Variants in NSMCE4A observed in about 807,000 individuals in gnomAD.
NSMCE4A encodes NSE4A component of SMC5/6 complex, also known as non-structural maintenance of chromosomes element 4 homolog A.
NSMCE4A carries 40 observed loss-of-function variants against 47.9 expected under a neutral mutation model. The observed-to-expected ratio is 0.83, with a 90% CI of 0.65 to 1.09. NSMCE4A has a LOEUF of 1.09. NSMCE4A is among the 50% of genes least tolerant of loss of function. NSMCE4A has a pLI of 0.00. For missense variants in NSMCE4A, 500 were observed against 507.0 expected (o/e 0.99, Z 0.13); for synonymous variants, 166 against 178.5 (o/e 0.93, Z 0.56).
Position 121,961,518 on chromosome 10 carries a change from C to A in NSMCE4A, c.845-1G>T. 2 of 1,545,250 alleles carry A rather than the reference C, an allele frequency of 1.3e-6. No individual in the cohort carries two copies. The highest frequency in any genetic ancestry group is 2.4e-5 in the East Asian group (1 of 41,222). ...TCAAAGAAGGACATTGGGGTATCAG[C>A]TATAGACAAAAAGAGAAAAAAAAAT... On this transcript the variant is annotated splice_acceptor_variant, in intron 6 of 10. Coordinates refer to ENST00000369023, the MANE Select transcript of NSMCE4A (RefSeq NM_017615.3). LOFTEE classifies it high-confidence loss of function.
At chr10:121,962,705 C>T (rs1011198853) in intron 6 of NSMCE4A, among the ~76,000 whole-genome samples, 14 of 151,782 alleles carry the variant, frequency 9.2e-5, no homozygotes, top group Non-Finnish European at 2.1e-4. Flanking sequence ...CTCTGTCTCC[C>T]GGGTTCAAGC....
In NSMCE4A at chr10:121,975,011, C is replaced by T; in HGVS notation, c.155G>A (p.Arg52His). 1 of 1,505,304 alleles carries T rather than the reference C, an allele frequency of 6.6e-7. No homozygotes were observed. The allele number at this position is 1,505,304 out of a possible 1,614,324, so 93.2% of individuals were successfully genotyped here. A position where few individuals can be genotyped will look rare whatever the true frequency, so the allele number is the denominator to read the frequency against. The change falls in exon 1 of 11, where the codon CGC (arginine) becomes CAC (histidine). Residue 52 changes from arginine to histidine, a missense_variant. By Grantham distance (29) the Arg-to-His change is conservative. Transcript: ENST00000369023. The part of the protein sequence containing the change: ...SARERREAPE[R>H]PSLEDTEPSD... ...CGGCTCTGTGTCCTCCAGGCTCGGG[C>T]GCTCTGGGGCCTCTCTGCGCTCCCG...
At chr10:121,965,436 C>T (rs1952589756) in intron 4 of NSMCE4A, 51 bp from the exon 5 acceptor site, 1 of 1,403,188 alleles carries the variant, frequency 7.1e-7, no homozygotes, top group Non-Finnish European at 1.0e-6. Context: ...GTTTGTTAAA[C>T]AAACTAACTT....
In NSMCE4A at chr10:121,959,549, T is replaced by C. The variant is rs1564989787; in HGVS notation, c.1035A>G (p.Thr345=). The C allele has an allele frequency of 6.2e-7, 1 of 1,614,196 alleles. No individual in the cohort carries two copies. Among genetic ancestry groups the C allele is most frequent in the South Asian group, 1.1e-5 (1 of 91,080 alleles). The change falls in exon 9 of 11, where the codon ACA becomes ACG. Residue 345 remains threonine, a synonymous_variant. Transcript: ENST00000369023. ...NEENEGFEHN[T]QVRNQGIIAL... is the part of the protein sequence containing the mutation. ...CTATAATTCCTTGATTTCTAACTTG[T>C]GTGTTATGTTCAAATCCCTCATTTT...
chr10:121,969,501 T>TAAAA (rs35005382), intron 3 of NSMCE4A, among the ~76,000 whole-genome samples: 1 of 138,208 alleles, frequency 7.2e-6, no homozygotes, highest in Non-Finnish European at 1.5e-5. Context: ...AAAAAAAAGT[T>TAAAA]AAAAAAAAAA....
intron 5 of NSMCE4A, among the ~76,000 whole-genome samples, chr10:121,964,346 T>C (rs11814639): frequency 0.13 from 20,229 of 152,120 alleles, 1,566 homozygotes; most frequent in Middle Eastern, 0.18. Context: ...GGTTTCACCA[T>C]GTTGGCCAGG....
At chr10:121,972,964 C>T (rs370578159) in intron 2 of NSMCE4A, among the ~76,000 whole-genome samples, 9 of 152,234 alleles carry the variant, frequency 5.9e-5, no homozygotes, top group East Asian at 1.9e-4. Context: ...CAGCCGGGGG[C>T]GGTGGCTCAT....
At chr10:121,961,312 ATATACTGGCTAGTG>A in intron 7 of NSMCE4A, 97 bp downstream of exon 7, 1 of 629,152 alleles carries the variant, frequency 1.6e-6, no homozygotes, top group Non-Finnish European at 2.6e-6. Context: ...GGTCTGAAAC[ATATACTGGCTAGTG>A]TATACAGATA....
intron 6 of NSMCE4A, chr10:121,962,099 G>C: frequency 5.6e-6 from 2 of 358,840 alleles, no homozygotes; most frequent in South Asian, 3.8e-5. Context: ...GAAAGAGTGA[G>C]ACTGTCTCCT....
At chr10:121,958,229 CAA>C (rs1296590746) in intron 10 of NSMCE4A, among the ~76,000 whole-genome samples, 1 of 148,768 alleles carries the variant, frequency 6.7e-6, no homozygotes, top group South Asian at 2.1e-4. Context: ...GACTCTGTCT[CAA>C]AAAAAAAGAG....
chr10:121,961,698 T>C, intron 6 of NSMCE4A, 181 bp from the exon 7 acceptor site: 1 of 488,650 alleles, frequency 2.0e-6, no homozygotes, highest in South Asian at 4.0e-5. Context: ...CCCACTGACC[T>C]GGAAACCACC....
At chr10:121,972,732 G>A (rs899114346) in intron 2 of NSMCE4A, among the ~76,000 whole-genome samples, 4 of 152,106 alleles carry the variant, frequency 2.6e-5, no homozygotes, top group African/African-American at 9.7e-5. Flanking sequence ...AACTTAAGAG[G>A]GTAGTAGAGG....
chr10:121,972,444 C>A (rs747430539), intron 2 of NSMCE4A, among the ~76,000 whole-genome samples: 3 of 152,198 alleles, frequency 2.0e-5, no homozygotes, highest in Non-Finnish European at 4.4e-5. Flanking sequence ...GCCTGCCCCA[C>A]TCCCTTCCCC....
intron 2 of NSMCE4A, among the ~76,000 whole-genome samples, chr10:121,973,086 A>G (rs1952746387): frequency 6.6e-6 from 1 of 152,018 alleles, no homozygotes; most frequent in Non-Finnish European, 1.5e-5. Flanking sequence ...AAATACAAAA[A>G]TTAGCTGGGT....
rs747294176 is a variant in NSMCE4A at position 121,965,339 on chromosome 10, C to T, written c.700G>A (p.Asp234Asn). The T allele has an allele frequency of 5.0e-6, 8 of 1,614,006 alleles. No individual in the cohort carries two copies. Among genetic ancestry groups the T allele is most frequent in the Non-Finnish European group, 5.9e-6 (7 of 1,179,926 alleles). ...ATCACAGGAACTTTTCTTGGACGAT[C>T]AACTCGTGGCTTTGGCACAGGGCAC... ...GECPVPKPRV[D>N]RPRKVPVIQE... Residue 234 changes from aspartate (D) to asparagine (N), a missense_variant, in exon 5 of 11, where the codon GAT (aspartate) becomes AAT (asparagine). Transcript: ENST00000369023.
In NSMCE4A at chr10:121,958,755, T is replaced by TAAAAAC. The variant is rs151284184; in HGVS notation, c.*12+563_*12+568dup. Among the ~76,000 whole-genome samples, 1,087 of 152,096 alleles carry TAAAAAC rather than the reference T, an allele frequency of 7.1e-3. 11 individuals are homozygous for TAAAAAC. Among genetic ancestry groups the TAAAAAC allele is most frequent in the African/African-American group, 0.025 (1,035 of 41,492 alleles). ...GTGAGACCCCTTCCCTATTTTTTAT[T>TAAAAAC]AAAAACAAAAACAAAAACAAAACCC... On this transcript the variant is annotated intron_variant, in intron 10 of 10. Transcript: ENST00000369023.
At chr10:121,967,507 T>C in intron 4 of NSMCE4A, 148 bp downstream of exon 4, 2 of 846,922 alleles carry the variant, frequency 2.4e-6, no homozygotes, top group South Asian at 3.6e-5. Context: ...CTAGTGTTTA[T>C]GAACTTTCAT....
intron 4 of NSMCE4A, chr10:121,965,805 A>G (rs1590784403): frequency 6.3e-6 from 1 of 159,708 alleles, no homozygotes; most frequent in Admixed American, 6.4e-5. Flanking sequence ...CCAGCCCAGG[A>G]CTACAGAACA....
Position 121,961,525 on chromosome 10 carries a change from C to CA in NSMCE4A, c.845-9dup. 2 of 1,527,422 alleles carry CA rather than the reference C, an allele frequency of 1.3e-6. No homozygotes were observed. The highest frequency in any genetic ancestry group is 1.7e-6 in the Non-Finnish European group (2 of 1,143,914). The allele number at this position is 1,527,422 out of a possible 1,614,324, so 94.6% of individuals were successfully genotyped here. On this transcript the variant is annotated splice_polypyrimidine_tract_variant and intron_variant, in intron 6 of 10. Transcript: ENST00000369023. The stretch of plus-strand genomic sequence containing the variant: ...AGGACATTGGGGTATCAGCTATAGA[C>CA]AAAAAGAGAAAAAAAAATTGATTTT...
Sources: allele counts gnomAD v4.1 joint callset (sites outside exome capture counted in the v4.1 genomes callset), GRCh38; gene constraint gnomAD v4.1.1; transcripts MANE v1.5; gene names NCBI Gene and HGNC (gene_info 2026-07-23, HGNC 2026-07-21).